ZFHX2: variants seen among roughly 807,000 people sequenced by gnomAD.
The protein encoded by ZFHX2 is zinc finger homeobox protein 2.
ZFHX2 carries 75 observed loss-of-function variants against 164.8 expected under a neutral mutation model. The ratio of observed to expected loss-of-function variants is 0.46; its 90% CI spans 0.38 to 0.55. The LOEUF (loss-of-function observed/expected upper bound fraction) is 0.55, where lower values mean the gene tolerates loss of function less well. Ranked by LOEUF, ZFHX2 falls within the 20% of genes least tolerant of loss-of-function variation. ZFHX2 has a pLI of 0.00. For missense variants in ZFHX2, 2,933 were observed against 3,308.0 expected (o/e 0.89, Z 2.78); for synonymous variants, 1,217 against 1,351.4 (o/e 0.90, Z 2.18).
At chr14:23,527,909 T>TC in intron 6 of ZFHX2, 105 bp from the exon 7 acceptor site, 1 of 1,038,308 alleles carries the variant, frequency 9.6e-7, no homozygotes, top group East Asian at 2.6e-5. Context: ...TCCTTTTTTT[T>TC]TTTTTTTTTT....
At chr14:23,552,745 G>A (rs998183516), upstream of ZFHX2, among the ~76,000 whole-genome samples, 1 of 151,894 alleles carries the variant, frequency 6.6e-6, no homozygotes, top group Non-Finnish European at 1.5e-5. Context: ...GGGATTGTAG[G>A]TGCCCACCAC....
chr14:23,527,466 C>A, intron 7 of ZFHX2, 138 bp downstream of exon 7: 1 of 1,172,558 alleles, frequency 8.5e-7, no homozygotes, highest in Non-Finnish European at 1.2e-6. Context: ...ACCGTCCTCA[C>A]CCAGCCAACA....
At chr14:23,531,365 G>C in intron 4 of ZFHX2, 116 bp downstream of exon 4, 1 of 1,301,398 alleles carries the variant, frequency 7.7e-7, no homozygotes, top group Admixed American at 3.4e-5. Flanking sequence ...ATTTAGTATA[G>C]GTGGCCTACA....
Position 23,535,013 on chromosome 14 carries a change from GC to G in ZFHX2, c.312del (p.Leu105SerfsTer6). The G allele has an allele frequency of 2.6e-6, 4 of 1,536,116 alleles. No homozygotes were observed. Among genetic ancestry groups the G allele is most frequent in the Non-Finnish European group, 3.5e-6 (4 of 1,146,858 alleles). On this transcript the variant is annotated frameshift_variant, in exon 2 of 10. Transcript: ENST00000419474. LOFTEE classifies it high-confidence loss of function. This position sits in a 1 kb window ranked among gnomAD's most constrained non-coding sequence, Gnocchi z 4.5. ...TGGTTGCTTAGGTCCATGGGAGGGA[GC>G]CCTTCTTCTTCCTCCTCCTGCTCCT... The part of the protein sequence containing the change: ...KDKEQEEEEE[G>X]LPPMDLSNHL...
At position 23,535,231 on chromosome 14, in the gene ZFHX2, G is replaced by C. The variant is rs1266371285; in HGVS notation, c.95C>G (p.Thr32Ser). 1 of 1,522,412 alleles carries C rather than the reference G, an allele frequency of 6.6e-7. No individual in the cohort carries two copies. Among genetic ancestry groups the C allele is most frequent in the East Asian group, 2.5e-5 (1 of 40,530 alleles). 94.3% of individuals were successfully genotyped at this position (1,522,412 alleles called of 1,614,324 possible). Residue 32 changes from threonine to serine, a missense_variant, in exon 2 of 10, where the codon ACC (threonine) becomes AGC (serine). Transcript: ENST00000419474. The surrounding 1 kb of genome is among the most constrained non-coding windows in gnomAD (Gnocchi z 4.5). ...SLPSDTFSSS[T>S]PSDPVTKDPP... The stretch of plus-strand genomic sequence containing the variant: ...ATCTTTGGTGACAGGATCAGAGGGG[G>C]TGCTGGAGGAGAAGGTGTCCGAAGG...
Position 23,524,692 on chromosome 14 carries a change from T to G in ZFHX2, c.5250A>C (p.Thr1750=), listed in dbSNP as rs752414049. 2.0e-6 allele frequency: 3 copies of G among 1,536,320 alleles called. No homozygotes were observed. In the South Asian group the frequency reaches 3.6e-5, roughly 18 times the overall value. The change falls in exon 9 of 10, where the codon ACA becomes ACC. Residue 1750 remains threonine, a synonymous_variant. Coordinates refer to ENST00000419474, the MANE Select transcript of ZFHX2 (RefSeq NM_033400.3). The surrounding 1 kb of genome is among the most constrained non-coding windows in gnomAD (Gnocchi z 5.6). ...CTTCAGGCTCTTTGCCTCCTGCCTT[T>G]GTTGCCTCTGCTTGGCTCAGCTCCT... The part of the protein sequence containing the change: ...DGEELSQAEA[T]KAGGKEPEEK...
Position 23,521,554 on chromosome 14 carries a change from T to C in ZFHX2, c.*408A>G, listed in dbSNP as rs146544826. On this transcript the variant is annotated 3_prime_UTR_variant, in exon 10 of 10. Coordinates refer to ENST00000419474, the MANE Select transcript of ZFHX2 (RefSeq NM_033400.3). ...GTTTTCTCAGTGGAACATCATGGGA[T>C]AACGTGTGTGTGTGCATGTATGTGT... 558 of 166,060 alleles carry C rather than the reference T, an allele frequency of 3.4e-3. 3 individuals are homozygous for C. The highest frequency in any genetic ancestry group is 0.012 in the African/African-American group (524 of 42,012). 10.3% of individuals were successfully genotyped at this position (166,060 alleles called of 1,614,324 possible).
rs1250955173 is a variant in ZFHX2 at position 23,527,737 on chromosome 14, G to A, written c.3002C>T (p.Ser1001Phe). The part of the protein sequence containing the change: ...ESSQVRAHTL[S>F]QHAVQPKYRC... ...GTACTTGGGCTGCACTGCATGCTGG[G>A]AGAGTGTATGAGCCCTCACCTGGCT... The change falls in exon 7 of 10, where the codon TCC becomes TTC. Residue 1001 changes from serine (S) to phenylalanine (F), a missense_variant. Transcript: ENST00000419474. 6.5e-7 allele frequency: 1 copy of A among 1,536,136 alleles called. No homozygotes were observed. The highest frequency in any genetic ancestry group is 8.7e-7 in the Non-Finnish European group (1 of 1,146,922).
rs1424555495 is a variant in ZFHX2 at position 23,524,347 on chromosome 14, C to G, written c.5595G>C (p.Leu1865Phe). 1 of 1,536,302 alleles carries G rather than the reference C, an allele frequency of 6.5e-7. No homozygotes were observed. The highest frequency in any genetic ancestry group is 1.2e-5 in the South Asian group (1 of 84,068). ...GGTACAGGATCTCTAGCTGCTCAGGCAAGATGGTGGTGCGCAGGCGCTTGT... is the reference window on the plus strand; with the variant it reads ...GGTACAGGATCTCTAGCTGCTCAGGGAAGATGGTGGTGCGCAGGCGCTTGT... ...PRDKRLRTTI[L>F]PEQLEILYRW... is the part of the protein sequence containing the mutation. Residue 1865 changes from leucine to phenylalanine, a missense_variant, in exon 9 of 10, where the codon TTG becomes TTC. Physicochemically the swap from Leu to Phe is conservative, Grantham distance 22. Transcript: ENST00000419474. The surrounding 1 kb of genome is among the most constrained non-coding windows in gnomAD (Gnocchi z 5.6).
At chr14:23,544,846 C>T (rs1344396889) in intron 1 of ZFHX2, among the ~76,000 whole-genome samples, 2 of 152,200 alleles carry the variant, frequency 1.3e-5, no homozygotes, top group African/African-American at 4.8e-5. Context: ...CGCCATTTCT[C>T]CATTCCACTT....
intron 6 of ZFHX2, 64 bp from the exon 7 acceptor site, chr14:23,527,868 T>G: frequency 7.3e-7 from 1 of 1,372,890 alleles, no homozygotes. Context: ...CATCACATAG[T>G]CCTTTGGATG....
chr14:23,549,588 TAGGAAGA>T (rs1881757703), intron 1 of ZFHX2, among the ~76,000 whole-genome samples: 1 of 151,566 alleles, frequency 6.6e-6, no homozygotes, highest in African/African-American at 2.4e-5. Flanking sequence ...AGCAGGGGCC[TAGGAAGA>T]AGATGAACTA....
chr14:23,523,367 G>T lies in ZFHX2; in HGVS notation c.6575C>A (p.Ala2192Asp). 2.0e-6 allele frequency: 3 copies of T among 1,481,590 alleles called. No individual in the cohort carries two copies. The highest frequency in any genetic ancestry group is 2.7e-6 in the Non-Finnish European group (3 of 1,118,412). The allele number at this position is 1,481,590 out of a possible 1,614,324, so 91.8% of individuals were successfully genotyped here. A position where few individuals can be genotyped will look rare whatever the true frequency, so the allele number is the denominator to read the frequency against. The change falls in exon 9 of 10, where the codon GCC becomes GAC. Residue 2192 changes from alanine to aspartate, a missense_variant. Coordinates refer to ENST00000419474, the MANE Select transcript of ZFHX2 (RefSeq NM_033400.3). This position sits in a 1 kb window ranked among gnomAD's most constrained non-coding sequence, Gnocchi z 4.1. ...LKSESKCYDL[A>D]PAPEAPPALK... Reference sequence around the variant, plus strand: ...AGCTGGGGGAGCCTCAGGTGCTGGGGCCAAGTCGTAGCACTTGCTTTCACT... The same window carrying T: ...AGCTGGGGGAGCCTCAGGTGCTGGGTCCAAGTCGTAGCACTTGCTTTCACT...
At chr14:23,531,393 T>C (rs1879533207) in intron 4 of ZFHX2, 88 bp downstream of exon 4, 1 of 1,329,694 alleles carries the variant, frequency 7.5e-7, no homozygotes, top group African/African-American at 1.5e-5. Flanking sequence ...TTCGCCTTCC[T>C]TGTATCTCTA....
At position 23,526,510 on chromosome 14, in the gene ZFHX2, G is replaced by T. The variant is rs1878730881; in HGVS notation, c.3432C>A (p.Pro1144=). 4 of 1,535,896 alleles carry T rather than the reference G, an allele frequency of 2.6e-6. No homozygotes were observed. In the South Asian group the frequency reaches 4.8e-5, roughly 18 times the overall value. ...TCCCCTCTTCCTCCTCAGCCATGGT[G>T]GGCGGAGGAGCTACGTCTTCAGCTT... ...DAQAEDVAPP[P]TMAEEEEGTT... Residue 1144 remains proline, a synonymous_variant, in exon 9 of 10, where the codon CCC becomes CCA. Transcript: ENST00000419474.
chr14:23,521,354 C>T lies in ZFHX2; in HGVS notation c.*608G>A, dbSNP rs1210840145. On this transcript the variant is annotated 3_prime_UTR_variant, in exon 10 of 10. Transcript: ENST00000419474. ...GTGGGCTCCCTGCCCATGCCAGGCT[C>T]CAACTTTGGGAGCCAACTGAGCATT... 1 of 152,360 alleles carries T rather than the reference C, an allele frequency of 6.6e-6. No homozygotes were observed. Among genetic ancestry groups the T allele is most frequent in the African/African-American group, 2.4e-5 (1 of 41,422 alleles). The allele number at this position is 152,360 out of a possible 1,614,324, so 9.4% of individuals were successfully genotyped here. A position where few individuals can be genotyped will look rare whatever the true frequency, so the allele number is the denominator to read the frequency against.
In ZFHX2 at chr14:23,524,730, G is replaced by A; in HGVS notation, c.5212C>T (p.Pro1738Ser). The A allele has an allele frequency of 4.6e-6, 7 of 1,536,338 alleles. No homozygotes were observed. Among genetic ancestry groups the A allele is most frequent in the Non-Finnish European group, 5.2e-6 (6 of 1,146,944 alleles). The part of the protein sequence containing the change: ...PAGPEGPLPE[P>S]PDGEELSQAE... ...TGGCTCAGCTCCTCCCCATCTGGAG[G>A]CTCTGGTAATGGGCCCTCAGGCCCT... Residue 1738 changes from proline to serine, a missense_variant, in exon 9 of 10, where the codon CCT becomes TCT. Coordinates refer to ENST00000419474, the MANE Select transcript of ZFHX2 (RefSeq NM_033400.3). The surrounding 1 kb of genome is among the most constrained non-coding windows in gnomAD (Gnocchi z 5.6).
intron 1 of ZFHX2, among the ~76,000 whole-genome samples, chr14:23,541,613 A>C (rs1220542709): frequency 6.6e-6 from 1 of 152,182 alleles, no homozygotes; most frequent in Non-Finnish European, 1.5e-5. Context: ...CTACTCAGCC[A>C]TAGAGTTCAC....
intron 6 of ZFHX2, 165 bp downstream of exon 6, chr14:23,529,545 A>C: frequency 2.9e-6 from 2 of 697,372 alleles, no homozygotes; most frequent in Non-Finnish European, 4.9e-6. Flanking sequence ...CTGCCCCCGA[A>C]AGTGCTGAAC....
Sources: gnomAD v4.1 joint callset for allele counts (sites outside exome capture counted in the v4.1 genomes callset) on GRCh38, gnomAD v4.1.1 for gene constraint, Gnocchi (gnomAD v3.1) non-coding constraint, MANE v1.5 for transcripts, NCBI Gene and HGNC (gene_info 2026-07-23, HGNC 2026-07-21) for gene names.